Variants in DIAPH2 observed in about 807,000 individuals in gnomAD.
DIAPH2 encodes the protein protein diaphanous homolog 2.
In DIAPH2, 35 loss-of-function variants were observed where a neutral mutation model predicts 92.7. The observed-to-expected ratio is 0.38, with a 90% CI of 0.29 to 0.50. DIAPH2 has a LOEUF of 0.50. Among genes scored for constraint, DIAPH2 ranks in the 20% least tolerant of loss-of-function variants. The pLI, the probability that DIAPH2 is intolerant of heterozygous loss-of-function variation, is 0.94. For synonymous variants in DIAPH2, 301 were observed against 280.4 expected (o/e 1.07, Z -0.73); for missense variants, 701 against 819.5 (o/e 0.86, Z 1.77).
chrX:97,335,209 A>G (rs926915528), intron 23 of DIAPH2, among the ~76,000 whole-genome samples: 11 of 110,836 alleles, frequency 9.9e-5, no homozygotes, highest in African/African-American at 3.6e-4. Context: ...TTAAGCATTT[A>G]GTTCAATGCC....
At chrX:97,555,517 T>A in intron 26 of DIAPH2, 1 of 587,227 alleles carries the variant, frequency 1.7e-6, no homozygotes, top group Non-Finnish European at 2.1e-6. Flanking sequence ...ATGAACATGA[T>A]GGACTGTAGT....
At chrX:97,123,871 A>G (rs1255803126) in intron 21 of DIAPH2, among the ~76,000 whole-genome samples, 1 of 112,599 alleles carries the variant, frequency 8.9e-6, no homozygotes, top group African/African-American at 3.2e-5. Flanking sequence ...CACTTCTAAG[A>G]TGTCAGCTAC....
intron 4 of DIAPH2, among the ~76,000 whole-genome samples, chrX:96,790,258 A>G (rs1237661009): frequency 9.2e-6 from 1 of 109,281 alleles, no homozygotes; most frequent in Admixed American, 9.8e-5. Flanking sequence ...TTTAGTAGAG[A>G]CAGGGTTTCT....
chrX:97,469,838 A>G, intron 26 of DIAPH2: 1 of 1,147,067 alleles, frequency 8.7e-7, no homozygotes, highest in Non-Finnish European at 1.2e-6. Flanking sequence ...GAAACATGAT[A>G]TTCATTTTGT....
chrX:97,506,840 T>C (rs2070838640), intron 26 of DIAPH2, among the ~76,000 whole-genome samples: 1 of 111,734 alleles, frequency 8.9e-6, no homozygotes, highest in Non-Finnish European at 1.9e-5. Flanking sequence ...ACATTGCTTA[T>C]ACATTGTGGA....
intron 24 of DIAPH2, among the ~76,000 whole-genome samples, chrX:97,357,904 G>A (rs1253099013): frequency 9.0e-6 from 1 of 111,525 alleles, no homozygotes; most frequent in Admixed American, 9.5e-5. Flanking sequence ...ATGTGAACTG[G>A]GTCTGATCAT....
At chrX:97,304,733 A>G (rs759348839) in intron 23 of DIAPH2, among the ~76,000 whole-genome samples, 19 of 112,307 alleles carry the variant, frequency 1.7e-4, no homozygotes, top group Non-Finnish European at 2.6e-4. Context: ...GCTGTTGCAT[A>G]TAAACACTGA....
chrX:96,921,617 G>C (rs1565828), intron 9 of DIAPH2, among the ~76,000 whole-genome samples: 1 of 108,102 alleles, frequency 9.3e-6, no homozygotes, highest in Non-Finnish European at 1.9e-5. Flanking sequence ...ACTTGGCACT[G>C]TTGATCACCT....
At chrX:97,485,306 A>G (rs900061611) in intron 26 of DIAPH2, among the ~76,000 whole-genome samples, 5 of 111,547 alleles carry the variant, frequency 4.5e-5, no homozygotes, top group Non-Finnish European at 9.4e-5. Context: ...CCCAAAACTT[A>G]CCAGCTCTGT....
At chrX:97,343,583 C>A (rs866164343) in intron 23 of DIAPH2, among the ~76,000 whole-genome samples, 1 of 110,216 alleles carries the variant, frequency 9.1e-6, no homozygotes, top group African/African-American at 3.3e-5. Flanking sequence ...GCGGGAGAAT[C>A]GCTTGAACCC....
chrX:96,718,972 A>G (rs1257033489), intron 1 of DIAPH2, among the ~76,000 whole-genome samples: 2 of 111,341 alleles, frequency 1.8e-5, no homozygotes, highest in African/African-American at 3.3e-5. Context: ...GATAAAAGCA[A>G]TTTTAACTGG....
At chrX:97,257,082 G>A (rs775791517) in intron 23 of DIAPH2, among the ~76,000 whole-genome samples, 185 of 111,109 alleles carry the variant, frequency 1.7e-3, no homozygotes, top group African/African-American at 5.6e-3. Flanking sequence ...TGTTGCAAAT[G>A]TAAGATAGGA....
chrX:97,476,964 A>ATATAT (rs1348112990), intron 26 of DIAPH2, among the ~76,000 whole-genome samples: 1 of 51,214 alleles, frequency 2.0e-5, no homozygotes, highest in African/African-American at 6.7e-5. Flanking sequence ...AAAAAAAAAA[A>ATATAT]AAAAATATAT....
At chrX:96,734,726 G>A (rs1018837365) in intron 1 of DIAPH2, among the ~76,000 whole-genome samples, 2 of 111,380 alleles carry the variant, frequency 1.8e-5, no homozygotes, top group Admixed American at 1.9e-4. Context: ...TGCCCCAGCT[G>A]ATCTGGGGAG....
At chrX:97,579,036 A>C (rs2071419398) in intron 26 of DIAPH2, among the ~76,000 whole-genome samples, 1 of 99,742 alleles carries the variant, frequency 1.0e-5, no homozygotes, top group African/African-American at 3.7e-5. Context: ...TTTTCTTGTA[A>C]ATTTGTTTGA....
intron 18 of DIAPH2, among the ~76,000 whole-genome samples, chrX:97,074,516 T>A (rs2147913262): frequency 8.9e-6 from 1 of 112,883 alleles, no homozygotes; most frequent in Non-Finnish European, 1.9e-5. Flanking sequence ...ACCTTCTGAA[T>A]AATTGTTAGC....
intron 22 of DIAPH2, among the ~76,000 whole-genome samples, chrX:97,236,183 G>A (rs1344964482): frequency 9.0e-6 from 1 of 111,422 alleles, no homozygotes; most frequent in Non-Finnish European, 1.9e-5. Context: ...CTTTGTATAT[G>A]TTACATACCT....
chrX:97,145,844 A>G (rs974832958), intron 22 of DIAPH2, among the ~76,000 whole-genome samples: 1 of 109,865 alleles, frequency 9.1e-6, no homozygotes, highest in Non-Finnish European at 1.9e-5. Context: ...ATACCCAGAC[A>G]TATAGTCTCC....
chrX:96,889,176 GT>G (rs1233076938), intron 5 of DIAPH2, among the ~76,000 whole-genome samples: 2 of 111,508 alleles, frequency 1.8e-5, no homozygotes, highest in African/African-American at 3.3e-5. Context: ...TAACTTGGGA[GT>G]TTTTTTATGA....
Sources: allele counts gnomAD v4.1 joint callset (sites outside exome capture counted in the v4.1 genomes callset), GRCh38; gene constraint gnomAD v4.1.1; transcripts MANE v1.5; gene names NCBI Gene and HGNC (gene_info 2026-07-23, HGNC 2026-07-21).